The following DSCAM variants were observed in gnomAD, a reference collection of about 807,000 sequenced individuals.
DSCAM encodes the protein DS cell adhesion molecule.
In DSCAM, 47 loss-of-function variants were observed where a neutral mutation model predicts 217.7. The ratio of observed to expected loss-of-function variants is 0.22; its 90% CI spans 0.17 to 0.28. The LOEUF (loss-of-function observed/expected upper bound fraction) is 0.28. DSCAM is among the 10% of genes least tolerant of loss of function. The pLI is 1.00. For missense variants in DSCAM, 2,080 were observed against 2,618.3 expected (o/e 0.79, Z 4.49); for synonymous variants, 1,056 against 1,015.3 (o/e 1.04, Z -0.76).
chr21:40,275,021 TA>T (rs888658145), intron 11 of DSCAM, among the ~76,000 whole-genome samples: 5 of 151,612 alleles, frequency 3.3e-5, no homozygotes, highest in East Asian at 1.9e-4. Flanking sequence ...GAATTAAAGT[TA>T]AAAAAAAGAG....
chr21:40,156,242 G>A (rs548329588), intron 16 of DSCAM, among the ~76,000 whole-genome samples: 23 of 148,244 alleles, frequency 1.6e-4, no homozygotes, highest in African/African-American at 4.7e-4. Context: ...AGATGGGAAC[G>A]GCACTGCCAG....
chr21:40,195,803 T>C (rs2091001444), intron 11 of DSCAM, among the ~76,000 whole-genome samples: 1 of 152,098 alleles, frequency 6.6e-6, no homozygotes, highest in Admixed American at 6.5e-5. Context: ...TAAACACATT[T>C]TAAAGCTATT....
intron 14 of DSCAM, 89 bp from the exon 15 acceptor site, chr21:40,179,183 C>CAAA: frequency 3.5e-5 from 3 of 86,312 alleles, no homozygotes; most frequent in Non-Finnish European, 5.6e-5. Flanking sequence ...GAATTAAAAA[C>CAAA]CAAAAAAAAA....
intron 11 of DSCAM, among the ~76,000 whole-genome samples, chr21:40,245,204 G>A (rs372835025): frequency 2.0e-5 from 3 of 152,244 alleles, no homozygotes; most frequent in East Asian, 1.9e-4. Flanking sequence ...AATGACACAT[G>A]ATGGGTGATT....
chr21:40,484,023 T>TAGAATTA (rs2076004555), intron 3 of DSCAM, among the ~76,000 whole-genome samples: 1 of 152,248 alleles, frequency 6.6e-6, no homozygotes, highest in Non-Finnish European at 1.5e-5. Flanking sequence ...CTGTTAATTC[T>TAGAATTA]ACGGGGCAGG....
At chr21:40,556,956 C>T (rs2076677408) in intron 3 of DSCAM, among the ~76,000 whole-genome samples, 1 of 151,986 alleles carries the variant, frequency 6.6e-6, no homozygotes, top group Non-Finnish European at 1.5e-5. Context: ...AGGGGTTGGT[C>T]TTGCTGTCTC....
At chr21:40,606,159 CTACTT>C (rs1471041806) in intron 3 of DSCAM, among the ~76,000 whole-genome samples, 1 of 152,112 alleles carries the variant, frequency 6.6e-6, no homozygotes, top group East Asian at 1.9e-4. Context: ...AACAAATACT[CTACTT>C]TAGATAGGAA....
intron 9 of DSCAM, among the ~76,000 whole-genome samples, chr21:40,307,685 A>C (rs2074094233): frequency 6.6e-6 from 1 of 152,206 alleles, no homozygotes; most frequent in Non-Finnish European, 1.5e-5. Flanking sequence ...GACCAACCCA[A>C]ATGTCCAACA....
chr21:40,158,420 A>G (rs1185098673), intron 16 of DSCAM, among the ~76,000 whole-genome samples: 1 of 152,146 alleles, frequency 6.6e-6, no homozygotes, highest in Non-Finnish European at 1.5e-5. Context: ...CAAAAAAACA[A>G]AAGAAAAGAA....
At position 40,587,981 on chromosome 21, in the gene DSCAM, C is replaced by T. The variant is rs1045725589; in HGVS notation, c.508+104829G>A. ...CTGCCCACAGTGCTATGACTTCATG[C>T]GGCCTTGTTTTCACCTGCTTCCATT... is the stretch of plus-strand genomic sequence containing the variant. On this transcript the variant is annotated intron_variant, in intron 3 of 32. Coordinates refer to ENST00000400454, the MANE Select transcript of DSCAM (RefSeq NM_001389.5). Among the ~76,000 whole-genome samples the T allele has an allele frequency of 4.6e-5, 7 of 152,230 alleles. 1 individual carries two copies. The South Asian group carries it at 6.2e-4, about 14-fold the overall frequency.
At chr21:40,399,992 A>G (rs958132980) in intron 3 of DSCAM, among the ~76,000 whole-genome samples, 22 of 152,322 alleles carry the variant, frequency 1.4e-4, no homozygotes, top group African/African-American at 5.1e-4. Flanking sequence ...ATTCTTCAAC[A>G]GGATTTTTAA....
At chr21:40,377,337 G>C (rs1468054161) in intron 3 of DSCAM, among the ~76,000 whole-genome samples, 1 of 152,128 alleles carries the variant, frequency 6.6e-6, no homozygotes, top group Non-Finnish European at 1.5e-5. Flanking sequence ...TCGCTCCCCT[G>C]GGTTTGGGCC....
intron 3 of DSCAM, among the ~76,000 whole-genome samples, chr21:40,634,472 C>A (rs2089729864): frequency 6.6e-6 from 1 of 152,212 alleles, no homozygotes; most frequent in South Asian, 2.1e-4. Flanking sequence ...CTACAACACT[C>A]TTCCTCCAAA....
intron 3 of DSCAM, among the ~76,000 whole-genome samples, chr21:40,556,380 A>G (rs1411968167): frequency 6.6e-6 from 1 of 152,244 alleles, no homozygotes; most frequent in Non-Finnish European, 1.5e-5. Context: ...CAGTGTTCTT[A>G]CAATAAAGCA....
chr21:40,493,756 G>C (rs1260648776), intron 3 of DSCAM, among the ~76,000 whole-genome samples: 1 of 151,260 alleles, frequency 6.6e-6, no homozygotes, highest in African/African-American at 2.4e-5. Context: ...CCAGCTACTC[G>C]GGAAGCTGAG....
At chr21:40,071,166 C>T (rs1011333682) in intron 27 of DSCAM, among the ~76,000 whole-genome samples, 4 of 152,104 alleles carry the variant, frequency 2.6e-5, no homozygotes, top group Admixed American at 1.3e-4. Context: ...ATCTCAGGCC[C>T]AACCAGTGAC....
intron 11 of DSCAM, among the ~76,000 whole-genome samples, chr21:40,243,510 G>T (rs1295041017): frequency 6.6e-6 from 1 of 152,148 alleles, no homozygotes; most frequent in Non-Finnish European, 1.5e-5. Flanking sequence ...GAAATGTGAA[G>T]CTTCTCATTC....
Position 40,572,924 on chromosome 21 carries a change from A to C in DSCAM, c.508+119886T>G, listed in dbSNP as rs112451702. On this transcript the variant is annotated intron_variant, in intron 3 of 32. Coordinates refer to ENST00000400454, the MANE Select transcript of DSCAM (RefSeq NM_001389.5). ...AATTTACATAATTATCTCTAATAGA[A>C]TACTCCACTCAACAACTATACACTA... Among the ~76,000 whole-genome samples, 1,229 of 152,318 alleles carry C rather than the reference A, an allele frequency of 8.1e-3. 10 individuals are homozygous for C. Among genetic ancestry groups the C allele is most frequent in the African/African-American group, 0.028 (1,151 of 41,572 alleles).
intron 3 of DSCAM, among the ~76,000 whole-genome samples, chr21:40,428,609 TGAGTCTTTTATA>T (rs1383865653): frequency 1.3e-5 from 2 of 152,126 alleles, no homozygotes; most frequent in African/African-American, 4.8e-5. Context: ...ACTGCAGTTA[TGAGTCTTTTATA>T]GAGTCTAAGA....
Sources: allele counts gnomAD v4.1 joint callset (sites outside exome capture counted in the v4.1 genomes callset), GRCh38; gene constraint gnomAD v4.1.1; transcripts MANE v1.5; gene names NCBI Gene and HGNC (gene_info 2026-07-23, HGNC 2026-07-21).